The following GATB variants were observed in gnomAD, a reference collection of about 807,000 sequenced individuals.
GATB encodes glutamyl-tRNA(Gln) amidotransferase subunit B, mitochondrial.
A neutral mutation model predicts 62.3 loss-of-function variants in GATB; 39 were observed. That is an observed-to-expected ratio of 0.63 (90% CI 0.48 to 0.82). The LOEUF (loss-of-function observed/expected upper bound fraction) is 0.82. Among genes scored for constraint, GATB ranks in the 40% least tolerant of loss-of-function variants. GATB has a pLI of 0.00. For synonymous variants in GATB, 276 were observed against 258.9 expected, an observed-to-expected ratio of 1.07 and a Z score of -0.63; for missense variants, 670 against 684.0, an observed-to-expected ratio of 0.98 and a Z score of 0.23.
chr4:151,718,081 CAA>C (rs931152293), intron 3 of GATB, among the ~76,000 whole-genome samples: 12 of 152,200 alleles, frequency 7.9e-5, no homozygotes, highest in African/African-American at 2.4e-4. Context: ...CTGTGCTTGT[CAA>C]AAGACAGACT....
intron 9 of GATB, among the ~76,000 whole-genome samples, chr4:151,695,122 G>A (rs192787733): frequency 7.9e-5 from 12 of 152,272 alleles, no homozygotes; most frequent in African/African-American, 2.6e-4. Flanking sequence ...TCTCACTGGG[G>A]CCATGTGGGA....
chr4:151,708,787 C>T (rs543088477), intron 5 of GATB, among the ~76,000 whole-genome samples: 44 of 152,330 alleles, frequency 2.9e-4, no homozygotes, highest in Admixed American at 3.9e-4. Context: ...CAGAGAGGTG[C>T]TGACCCCATG....
At chr4:151,678,243 AGCT>A in intron 11 of GATB, among the ~76,000 whole-genome samples, 1 of 152,332 alleles carries the variant, frequency 6.6e-6, no homozygotes, top group East Asian at 1.9e-4. Context: ...ACATGCTGGA[AGCT>A]GATAAAATCT....
intron 9 of GATB, among the ~76,000 whole-genome samples, chr4:151,690,674 C>A (rs554387965): frequency 6.9e-4 from 105 of 152,316 alleles, no homozygotes; most frequent in African/African-American, 2.4e-3. Context: ...GTTGCTGGGA[C>A]GTGATGCATA....
At chr4:151,686,291 G>A (rs1219840972) in intron 10 of GATB, among the ~76,000 whole-genome samples, 5 of 152,116 alleles carry the variant, frequency 3.3e-5, no homozygotes, top group African/African-American at 9.7e-5. Flanking sequence ...CATTCAAGCT[G>A]AGCAGCCGAG....
intron 2 of GATB, chr4:151,720,728 C>T (rs1488984591): frequency 1.3e-5 from 2 of 152,070 alleles, no homozygotes; most frequent in East Asian, 1.9e-4. Flanking sequence ...GAGTCTAAAA[C>T]ATTTGCCCAA....
chr4:151,712,061 G>A (rs1229697303), intron 5 of GATB, among the ~76,000 whole-genome samples: 3 of 152,084 alleles, frequency 2.0e-5, no homozygotes, highest in Non-Finnish European at 4.4e-5. Flanking sequence ...ATTGGACCTC[G>A]CCTGCTTTTA....
intron 9 of GATB, among the ~76,000 whole-genome samples, chr4:151,696,812 G>T (rs2126965681): frequency 6.6e-6 from 1 of 152,300 alleles, no homozygotes; most frequent in East Asian, 1.9e-4. Context: ...AATCAGCCAG[G>T]GAGGATTTTG....
intron 11 of GATB, chr4:151,673,455 A>G (rs1737924280): frequency 6.6e-6 from 1 of 152,360 alleles, no homozygotes; most frequent in Admixed American, 6.5e-5. Flanking sequence ...GGGAAAGATG[A>G]CTTTAGGGAG....
intron 7 of GATB, among the ~76,000 whole-genome samples, chr4:151,704,455 C>CT (rs954774845): frequency 7.3e-4 from 107 of 147,122 alleles, no homozygotes; most frequent in Admixed American, 1.3e-3. Context: ...CAGTACTTTT[C>CT]TTTTTTTTTT....
At chr4:151,700,216 G>A (rs916738377) in intron 9 of GATB, among the ~76,000 whole-genome samples, 1 of 152,176 alleles carries the variant, frequency 6.6e-6, no homozygotes, top group Non-Finnish European at 1.5e-5. Context: ...CTGATGTTGT[G>A]CTCATCTGTG....
intron 2 of GATB, among the ~76,000 whole-genome samples, chr4:151,742,091 T>TG (rs1431785342): frequency 3.3e-4 from 10 of 29,864 alleles, no homozygotes; most frequent in African/African-American, 2.4e-3. Flanking sequence ...AGGGATATGG[T>TG]TTTTTTTTTT....
chr4:151,739,930 AGCTCTACTCT>A lies in GATB; in HGVS notation c.327+18832_327+18841del, dbSNP rs1403869639. Among the ~76,000 whole-genome samples the A allele has an allele frequency of 8.9e-4, 135 of 152,346 alleles. 1 individual carries two copies. Among genetic ancestry groups the A allele is most frequent in the African/African-American group, 3.2e-3 (132 of 41,590 alleles). ...ACATGCCCACAATGATGGGACAGTC[AGCTCTACTCT>A]GGCGACATGATAAGCTTTCTGCAGA... On this transcript the variant is annotated intron_variant, in intron 2 of 12. Transcript: ENST00000263985.
At chr4:151,681,701 C>T (rs535103747) in intron 10 of GATB, among the ~76,000 whole-genome samples, 30 of 152,286 alleles carry the variant, frequency 2.0e-4, no homozygotes, top group Non-Finnish European at 3.1e-4. Flanking sequence ...GTACCAAAGA[C>T]GACATGGCTT....
chr4:151,692,093 G>A (rs1015798875), intron 9 of GATB, among the ~76,000 whole-genome samples: 12 of 152,168 alleles, frequency 7.9e-5, no homozygotes, highest in African/African-American at 2.7e-4. Flanking sequence ...GGTGATGGGC[G>A]CCAGGCACTG....
At chr4:151,728,544 T>C (rs998276170) in intron 2 of GATB, among the ~76,000 whole-genome samples, 1 of 152,216 alleles carries the variant, frequency 6.6e-6, no homozygotes, top group African/African-American at 2.4e-5. Flanking sequence ...TATATTAATA[T>C]TTAAAAAGCT....
chr4:151,719,595 C>T, intron 2 of GATB, 57 bp from the exon 3 acceptor site: 1 of 1,178,538 alleles, frequency 8.5e-7, no homozygotes, highest in Non-Finnish European at 1.2e-6. Context: ...AAATGCTTCT[C>T]CCACACACTG....
At chr4:151,722,175 A>G in intron 2 of GATB, 1 of 702,412 alleles carries the variant, frequency 1.4e-6, no homozygotes. Context: ...TTCTGAGGAT[A>G]GGATACAGAA....
Position 151,716,869 on chromosome 4 carries a change from A to C in GATB, c.640+7T>G, listed in dbSNP as rs1197646990. 6.2e-7 allele frequency: 1 copy of C among 1,613,672 alleles called. No individual in the cohort carries two copies. The highest frequency in any genetic ancestry group is 8.5e-7 in the Non-Finnish European group (1 of 1,179,674). On this transcript the variant is annotated splice_region_variant and intron_variant, in intron 4 of 12. Transcript: ENST00000263985. ...AAGGAGAAATAATGAAAACACTCCA[A>C]GCCTACCTGCCCTGTTCAAATCAAT...
Sources: gnomAD v4.1 joint callset for allele counts (sites outside exome capture counted in the v4.1 genomes callset) on GRCh38, gnomAD v4.1.1 for gene constraint, MANE v1.5 for transcripts, NCBI Gene and HGNC (gene_info 2026-07-23, HGNC 2026-07-21) for gene names.